SORL1: variants seen among roughly 807,000 people sequenced by gnomAD.
SORL1 encodes the protein sortilin related receptor 1.
Under a neutral mutation model 273.7 loss-of-function variants are expected in SORL1, and 127 were observed. The observed-to-expected ratio is 0.46, with a 90% CI of 0.40 to 0.54. The LOEUF is 0.54. SORL1 is among the 20% of genes least tolerant of loss of function. SORL1 has a pLI of 0.00. For missense variants in SORL1, 2,494 were observed against 2,846.1 expected, an observed-to-expected ratio of 0.88 and a Z score of 2.81; for synonymous variants, 1,031 against 1,067.4, an observed-to-expected ratio of 0.97 and a Z score of 0.66.
chr11:121,600,310 AT>A (rs1863369466), intron 32 of SORL1, among the ~76,000 whole-genome samples: 1 of 152,234 alleles, frequency 6.6e-6, no homozygotes, highest in African/African-American at 2.4e-5. Context: ...GTTGAAAGCC[AT>A]GTTGAAAGTT....
chr11:121,483,766 A>G (rs1269956113), intron 3 of SORL1, among the ~76,000 whole-genome samples: 2 of 152,178 alleles, frequency 1.3e-5, no homozygotes, highest in African/African-American at 4.8e-5. Context: ...TAACATGTAC[A>G]TATCTGACCC....
intron 42 of SORL1, 45 bp downstream of exon 42, chr11:121,618,938 TC>T: frequency 1.9e-6 from 3 of 1,610,832 alleles, no homozygotes; most frequent in Non-Finnish European, 2.5e-6. Flanking sequence ...ATGTCTTAAG[TC>T]CTGGGCTCTG....
At chr11:121,613,267 G>A (rs553617222) in intron 40 of SORL1, among the ~76,000 whole-genome samples, 5 of 152,302 alleles carry the variant, frequency 3.3e-5, no homozygotes, top group Non-Finnish European at 2.9e-5. Context: ...CATGTTGACT[G>A]GAGAAATGGA....
chr11:121,606,309 A>C (rs1284694360), intron 35 of SORL1, among the ~76,000 whole-genome samples: 1 of 152,208 alleles, frequency 6.6e-6, no homozygotes, highest in Admixed American at 6.5e-5. Flanking sequence ...AGTTGACATG[A>C]GCAACTGTCT....
In SORL1 at chr11:121,575,209, G is replaced by A. The variant is rs1862909955; in HGVS notation, c.3460+846G>A. Among the ~76,000 whole-genome samples the A allele has an allele frequency of 2.0e-5, 3 of 152,302 alleles. No individual in the cohort carries two copies. In the South Asian group the frequency reaches 6.2e-4, roughly 32 times the overall value. ...TAGTTTGTGTCAGAATGGGGAACTG[G>A]AATCCATGTCTCCCATTTTCTAATC... is the stretch of plus-strand genomic sequence containing the variant. On this transcript the variant is annotated intron_variant, in intron 24 of 47. Transcript: ENST00000260197.
rs1459597561 is a variant in SORL1 at position 121,618,801 on chromosome 11, T to C, written c.5632T>C (p.Phe1878Leu). Reference sequence around the variant, plus strand: ...TTATGGTATTTTCTATGCCACGTCCTTTCTTGACCTCTATCGCAACCCGAA... The same window carrying C: ...TTATGGTATTTTCTATGCCACGTCCCTTCTTGACCTCTATCGCAACCCGAA... ...VVYGIFYATS[F>L]LDLYRNPKSL... Residue 1878 changes from phenylalanine (F) to leucine (L), a missense_variant, in exon 42 of 48, where the codon TTT (phenylalanine) becomes CTT (leucine). By Grantham distance (22) the Phe-to-Leu change is conservative (BLOSUM62 0). Around this residue, in one of 3 missense-constraint regions of SORL1, gnomAD observed 1,609 missense variants for 1,816.4 expected, o/e 0.89. Coordinates refer to ENST00000260197, the MANE Select transcript of SORL1 (RefSeq NM_003105.6). The C allele has an allele frequency of 6.2e-7, 1 of 1,614,196 alleles. No individual in the cohort carries two copies. The highest frequency in any genetic ancestry group is 8.5e-7 in the Non-Finnish European group (1 of 1,180,014).
intron 21 of SORL1, among the ~76,000 whole-genome samples, chr11:121,566,497 G>C (rs1266189449): frequency 6.6e-6 from 1 of 152,122 alleles, no homozygotes; most frequent in Non-Finnish European, 1.5e-5. Flanking sequence ...GTGCTGCCAT[G>C]CCTGGCCTCC....
chr11:121,518,843 G>C (rs1013513104), intron 8 of SORL1, among the ~76,000 whole-genome samples: 36 of 152,154 alleles, frequency 2.4e-4, no homozygotes, highest in Admixed American at 2.4e-3. Context: ...CAGCTGAAGA[G>C]ATTGTGTGGA....
chr11:121,486,825 A>T (rs900815908), intron 3 of SORL1, among the ~76,000 whole-genome samples: 1 of 152,044 alleles, frequency 6.6e-6, no homozygotes, highest in Non-Finnish European at 1.5e-5. Flanking sequence ...GCTGGTTGTG[A>T]TGGCACACAC....
rs1861903366 is a variant in SORL1, at chr11:121,513,183, G to A, written c.1041+79G>A. On this transcript the variant is annotated intron_variant, in intron 7 of 47. Coordinates refer to ENST00000260197, the MANE Select transcript of SORL1 (RefSeq NM_003105.6). The stretch of plus-strand genomic sequence containing the variant: ...GTCAGAGGAAGGTTGTTGCAGGGAT[G>A]GCCTGCTGGAGTGGATATTTTATGG... 3.8e-6 allele frequency: 4 copies of A among 1,060,958 alleles called. No homozygotes were observed. The South Asian group carries it at 5.0e-5, about 13-fold the overall frequency. The allele number at this position is 1,060,958 out of a possible 1,614,324, so 65.7% of individuals were successfully genotyped here. A position where few individuals can be genotyped will look rare whatever the true frequency, so the allele number is the denominator to read the frequency against.
intron 6 of SORL1, among the ~76,000 whole-genome samples, chr11:121,499,025 A>C (rs749827980): frequency 1.2e-4 from 18 of 152,152 alleles, no homozygotes; most frequent in Non-Finnish European, 2.4e-4. Context: ...ATTAGGGGTC[A>C]TGTTTGTTTT....
chr11:121,527,340 A>G (rs758257037), intron 11 of SORL1, among the ~76,000 whole-genome samples: 46 of 152,252 alleles, frequency 3.0e-4, no homozygotes, highest in Middle Eastern at 3.4e-3. Flanking sequence ...AATTACTAGG[A>G]CAAACTCTAC....
intron 1 of SORL1, among the ~76,000 whole-genome samples, chr11:121,467,345 G>A (rs1392079542): frequency 2.0e-5 from 3 of 152,108 alleles, no homozygotes; most frequent in African/African-American, 4.8e-5. Flanking sequence ...GAGGTCTCCT[G>A]TCCTCTGAGT....
intron 32 of SORL1, among the ~76,000 whole-genome samples, chr11:121,599,035 ATTTG>A (rs1233047420): frequency 6.6e-6 from 1 of 151,694 alleles, no homozygotes; most frequent in Non-Finnish European, 1.5e-5. Context: ...TTGTTTATTT[ATTTG>A]TTTGTTTATT....
Position 121,629,616 on chromosome 11 carries a change from A to T in SORL1, c.*53A>T. 1 of 890,868 alleles carries T rather than the reference A, an allele frequency of 1.1e-6. No homozygotes were observed. Among genetic ancestry groups the T allele is most frequent in the East Asian group, 2.4e-5 (1 of 41,338 alleles). The allele number at this position is 890,868 out of a possible 1,614,324, so 55.2% of individuals were successfully genotyped here. On this transcript the variant is annotated 3_prime_UTR_variant, in exon 48 of 48. Coordinates refer to ENST00000260197, the MANE Select transcript of SORL1 (RefSeq NM_003105.6). Reference sequence around the variant, plus strand: ...GGTGTAAATATTTTATTTGATAAAGATAGTTGATGGTTTATTTTAAAAGAT... The same window carrying T: ...GGTGTAAATATTTTATTTGATAAAGTTAGTTGATGGTTTATTTTAAAAGAT...
chr11:121,566,353 G>A (rs6589886), intron 21 of SORL1, among the ~76,000 whole-genome samples: 149,881 of 152,236 alleles, frequency 0.98, 73,851 homozygotes, highest in Middle Eastern at 1. Flanking sequence ...AGACATTCTG[G>A]TTCTTTTTTA....
chr11:121,529,040 A>G (rs970397868), intron 11 of SORL1, among the ~76,000 whole-genome samples: 1 of 152,064 alleles, frequency 6.6e-6, no homozygotes, highest in Non-Finnish European at 1.5e-5. Context: ...TTATTTTGGT[A>G]TGCATTTTGA....
At chr11:121,566,779 T>G (rs1456473360) in intron 21 of SORL1, 161 bp from the exon 22 acceptor site, 1 of 637,232 alleles carries the variant, frequency 1.6e-6, no homozygotes, top group Admixed American at 3.0e-5. Context: ...GAGCAGAAGT[T>G]TTCAGCACAG....
chr11:121,552,272 A>T (rs978154774), intron 16 of SORL1, among the ~76,000 whole-genome samples: 1 of 152,204 alleles, frequency 6.6e-6, no homozygotes, highest in Non-Finnish European at 1.5e-5. Context: ...TAAATGCAAG[A>T]ATTTTTCTTC....
Sources: allele counts gnomAD v4.1 joint callset (sites outside exome capture counted in the v4.1 genomes callset), GRCh38; gene constraint gnomAD v4.1.1; regional missense constraint gnomAD v4.1.1; transcripts MANE v1.5; gene names NCBI Gene and HGNC (gene_info 2026-07-23, HGNC 2026-07-21).